PTGER3: variants seen among roughly 807,000 people sequenced by gnomAD.
The protein encoded by PTGER3 is prostaglandin E receptor 3.
PTGER3 carries 22 observed loss-of-function variants against 34.7 expected under a neutral mutation model. That is an observed-to-expected ratio of 0.63 (90% CI 0.45 to 0.91). PTGER3 has a LOEUF of 0.91. Ranked by LOEUF, PTGER3 falls within the 40% of genes least tolerant of loss-of-function variation. The pLI, the probability that PTGER3 is intolerant of heterozygous loss-of-function variation, is 0.00. For synonymous variants in PTGER3, 241 were observed against 230.1 expected (o/e 1.05, Z -0.43); for missense variants, 468 against 519.4 (o/e 0.90, Z 0.96).
intron 4 of PTGER3, among the ~76,000 whole-genome samples, chr1:70,878,637 T>C (rs561508640): frequency 6.6e-6 from 1 of 152,320 alleles, no homozygotes; most frequent in African/African-American, 2.4e-5. Flanking sequence ...AACACTTCCT[T>C]AGCTATGTCC....
chr1:70,909,963 A>T (rs572261431), intron 4 of PTGER3, among the ~76,000 whole-genome samples: 3 of 152,356 alleles, frequency 2.0e-5, no homozygotes, highest in Non-Finnish European at 2.9e-5. Context: ...ACACATAAGA[A>T]TACAACCTTC....
chr1:70,866,592 A>C (rs1646047404), intron 4 of PTGER3, among the ~76,000 whole-genome samples: 1 of 152,176 alleles, frequency 6.6e-6, no homozygotes. Context: ...CGATTGAAAG[A>C]CCAATGTCTT....
rs943922634 is a variant in PTGER3, at chr1:71,011,896, G to A, written c.1077+409C>T. ...AAATTCCTCATGTATTCAGTGTACT[G>A]GAATATTAACTATCCCCGCTCCCCA... On this transcript the variant is annotated intron_variant, in intron 2 of 3. Coordinates refer to ENST00000306666, the MANE Select transcript of PTGER3 (RefSeq NM_198719.2). The A allele has an allele frequency of 6.2e-6, 7 of 1,130,802 alleles. No individual in the cohort carries two copies. In the African/African-American group the frequency reaches 1.1e-4, roughly 18 times the overall value. 70.0% of individuals were successfully genotyped at this position (1,130,802 alleles called of 1,614,324 possible). A position where few individuals can be genotyped will look rare whatever the true frequency, so the allele number is the denominator to read the frequency against.
At chr1:70,881,741 G>T (rs1436379745) in intron 4 of PTGER3, among the ~76,000 whole-genome samples, 2 of 152,144 alleles carry the variant, frequency 1.3e-5, no homozygotes, top group African/African-American at 4.8e-5. Flanking sequence ...CTTTTGTTGG[G>T]TGTTCTGGTC....
At position 71,047,705 on chromosome 1, in the gene PTGER3, G is replaced by T. The variant is rs893862307; in HGVS notation, c.-128C>A. Reference sequence around the variant, plus strand: ...GCTGGGCTGCCCCCCATGGTGCGGGGCGCAGCCGCCGCCCTACTCCGCTGC... The same window carrying T: ...GCTGGGCTGCCCCCCATGGTGCGGGTCGCAGCCGCCGCCCTACTCCGCTGC... On this transcript the variant is annotated 5_prime_UTR_variant, in exon 1 of 4. Transcript: ENST00000306666. 1.8e-6 allele frequency: 2 copies of T among 1,113,720 alleles called. No homozygotes were observed. The highest frequency in any genetic ancestry group is 1.7e-5 in the African/African-American group (1 of 59,762). The allele number at this position is 1,113,720 out of a possible 1,614,324, so 69.0% of individuals were successfully genotyped here. A position where few individuals can be genotyped will look rare whatever the true frequency, so the allele number is the denominator to read the frequency against.
intron 2 of PTGER3, among the ~76,000 whole-genome samples, chr1:70,985,386 G>T: frequency 6.6e-6 from 1 of 152,136 alleles, no homozygotes; most frequent in East Asian, 1.9e-4. Context: ...AGACTGCCAT[G>T]GAGTTGCTAT....
chr1:71,032,407 T>A (rs1212704301), intron 1 of PTGER3, among the ~76,000 whole-genome samples: 1 of 151,848 alleles, frequency 6.6e-6, no homozygotes, highest in Non-Finnish European at 1.5e-5. Flanking sequence ...AAATCTATGA[T>A]GTCTAAACAG....
intron 4 of PTGER3, among the ~76,000 whole-genome samples, chr1:70,910,337 T>C (rs924869022): frequency 4.6e-5 from 7 of 152,202 alleles, no homozygotes; most frequent in Non-Finnish European, 7.3e-5. Flanking sequence ...TGTGCCATAA[T>C]CTCTGGTCCA....
chr1:70,931,507 C>A (rs1055596729), intron 4 of PTGER3, among the ~76,000 whole-genome samples: 1 of 152,244 alleles, frequency 6.6e-6, no homozygotes, highest in African/African-American at 2.4e-5. Flanking sequence ...CTGCAGCAAA[C>A]TTTCTCCTGG....
At chr1:70,866,684 C>T (rs956349786) in intron 4 of PTGER3, among the ~76,000 whole-genome samples, 1 of 152,150 alleles carries the variant, frequency 6.6e-6, no homozygotes, top group Admixed American at 6.5e-5. Context: ...TTAGATGGTG[C>T]CTTGATTTCT....
chr1:70,914,483 A>C (rs1343820328), intron 4 of PTGER3, among the ~76,000 whole-genome samples: 5 of 151,920 alleles, frequency 3.3e-5, no homozygotes, highest in Admixed American at 3.3e-4. Flanking sequence ...ATAAAAATAT[A>C]AGCATTTCAA....
At chr1:71,038,209 G>A (rs776934111) in intron 1 of PTGER3, among the ~76,000 whole-genome samples, 2 of 152,128 alleles carry the variant, frequency 1.3e-5, no homozygotes, top group Non-Finnish European at 2.9e-5. Flanking sequence ...CATTTATTAT[G>A]TGTTCAGAAA....
intron 4 of PTGER3, among the ~76,000 whole-genome samples, chr1:70,880,920 C>T (rs916484002): frequency 6.6e-6 from 1 of 151,674 alleles, no homozygotes; most frequent in Non-Finnish European, 1.5e-5. Context: ...TGTAGGGGTT[C>T]TCTGCATTTC....
intron 2 of PTGER3, chr1:71,008,458 A>G (rs1375600458): frequency 5.2e-5 from 47 of 900,424 alleles, no homozygotes; most frequent in Non-Finnish European, 6.1e-5. Context: ...GGAATATATC[A>G]AATAAAATAT....
chr1:71,008,756 CAAT>C, intron 2 of PTGER3: 1 of 966,962 alleles, frequency 1.0e-6, no homozygotes, highest in South Asian at 4.8e-5. Flanking sequence ...ATAAAACAAG[CAAT>C]AAACAAGCAG....
At chr1:71,029,503 T>C (rs1257588192) in intron 1 of PTGER3, among the ~76,000 whole-genome samples, 1 of 152,362 alleles carries the variant, frequency 6.6e-6, no homozygotes, top group Non-Finnish European at 1.5e-5. Flanking sequence ...TGAAATGCAA[T>C]GTGCATAAAT....
chr1:70,928,289 T>C (rs1057152647), intron 4 of PTGER3, among the ~76,000 whole-genome samples: 2 of 150,762 alleles, frequency 1.3e-5, no homozygotes, highest in African/African-American at 2.4e-5. Flanking sequence ...ATCATGTTAA[T>C]GAGGTTAAAA....
intron 4 of PTGER3, among the ~76,000 whole-genome samples, chr1:70,884,954 C>T (rs967126957): frequency 1.3e-5 from 2 of 152,100 alleles, no homozygotes; most frequent in Non-Finnish European, 1.5e-5. Context: ...TTGTTGTATG[C>T]TTCCTTTATT....
chr1:71,039,423 G>A (rs1182380280), intron 1 of PTGER3, among the ~76,000 whole-genome samples: 1 of 151,950 alleles, frequency 6.6e-6, no homozygotes, highest in Non-Finnish European at 1.5e-5. Context: ...GGCTGAGGTG[G>A]ATGGATCATG....
Sources: allele counts gnomAD v4.1 joint callset (sites outside exome capture counted in the v4.1 genomes callset), GRCh38; gene constraint gnomAD v4.1.1; transcripts MANE v1.5; gene names NCBI Gene and HGNC (gene_info 2026-07-23, HGNC 2026-07-21).